FTO: variants seen among roughly 807,000 people sequenced by gnomAD.
FTO encodes alpha-ketoglutarate-dependent dioxygenase FTO.
A neutral mutation model predicts 63.9 loss-of-function variants in FTO; 47 were observed. The ratio of observed to expected loss-of-function variants is 0.74; its 90% CI spans 0.58 to 0.94. The LOEUF is 0.94. Among genes scored for constraint, FTO ranks in the 40% least tolerant of loss-of-function variants. FTO has a pLI of 0.00. For synonymous variants in FTO, 207 were observed against 224.4 expected, an observed-to-expected ratio of 0.92 and a Z score of 0.69; for missense variants, 562 against 618.1, an observed-to-expected ratio of 0.91 and a Z score of 0.96.
chr16:53,799,383 A>G (rs76605169), intron 1 of FTO, among the ~76,000 whole-genome samples: 4,920 of 152,232 alleles, frequency 0.032, 90 homozygotes, highest in South Asian at 0.08. Flanking sequence ...TATGTCTACT[A>G]AAAAGGGGCT....
chr16:54,070,428 G>A (rs1300786596), intron 8 of FTO: 1 of 152,110 alleles, frequency 6.6e-6, no homozygotes, highest in Non-Finnish European at 1.5e-5. Context: ...TCACGATTCT[G>A]AACATATGAT....
intron 1 of FTO, 35 bp from the exon 2 acceptor site, chr16:53,810,105 A>G (rs1253255294): frequency 1.4e-6 from 2 of 1,410,922 alleles, no homozygotes; most frequent in East Asian, 2.3e-5. Context: ...GGGTTATTGC[A>G]TATTCACTTA....
intron 8 of FTO, among the ~76,000 whole-genome samples, chr16:54,068,067 A>G (rs774083536): frequency 1.3e-5 from 2 of 151,726 alleles, no homozygotes; most frequent in Non-Finnish European, 2.9e-5. Flanking sequence ...GTCTTTTTCA[A>G]TACCTGCCTG....
chr16:53,771,054 C>T (rs988077783), intron 1 of FTO, among the ~76,000 whole-genome samples: 14 of 152,098 alleles, frequency 9.2e-5, no homozygotes, highest in African/African-American at 3.4e-4. Flanking sequence ...AAAGGGACTT[C>T]GCTATAGGTT....
At chr16:53,929,252 A>G (rs775241321) in intron 7 of FTO, among the ~76,000 whole-genome samples, 3 of 152,194 alleles carry the variant, frequency 2.0e-5, no homozygotes, top group Non-Finnish European at 2.9e-5. Flanking sequence ...CCGAATCCCT[A>G]GCAACCAATG....
chr16:54,089,086 C>G (rs1235675050), intron 8 of FTO, among the ~76,000 whole-genome samples: 1 of 152,168 alleles, frequency 6.6e-6, no homozygotes, highest in African/African-American at 2.4e-5. Context: ...ATCTCAGGTA[C>G]TGTCATTCCT....
At chr16:53,871,777 A>T (rs1235626014) in intron 4 of FTO, among the ~76,000 whole-genome samples, 1 of 151,586 alleles carries the variant, frequency 6.6e-6, no homozygotes, top group Admixed American at 6.6e-5. Context: ...CCCAGGCTGC[A>T]GTGCAATGGC....
chr16:53,964,915 G>A (rs535684695), intron 8 of FTO, among the ~76,000 whole-genome samples: 2 of 152,228 alleles, frequency 1.3e-5, no homozygotes, highest in Admixed American at 6.5e-5. Flanking sequence ...CTAAATCGTG[G>A]TAAACACAAA....
chr16:54,084,544 C>T (rs960771570), intron 8 of FTO, among the ~76,000 whole-genome samples: 2 of 152,152 alleles, frequency 1.3e-5, no homozygotes, highest in African/African-American at 4.8e-5. Flanking sequence ...TTCTTTGTCT[C>T]TCTGCGTTAG....
At chr16:53,709,382 T>C (rs2075711327) in intron 1 of FTO, among the ~76,000 whole-genome samples, 1 of 152,224 alleles carries the variant, frequency 6.6e-6, no homozygotes, top group Admixed American at 6.5e-5. Context: ...ATTTGATGGT[T>C]TGAGTTAGAA....
At chr16:53,922,987 C>T (rs767105371) in intron 7 of FTO, 2 of 152,130 alleles carry the variant, frequency 1.3e-5, no homozygotes, top group South Asian at 2.1e-4. Context: ...GTTTCCTGCT[C>T]CCGTCTGTGA....
intron 3 of FTO, among the ~76,000 whole-genome samples, chr16:53,842,491 A>C (rs900187949): frequency 1.3e-5 from 2 of 152,028 alleles, no homozygotes; most frequent in African/African-American, 4.8e-5. Flanking sequence ...TATACCTTCT[A>C]CCTTTTTTAG....
At chr16:53,739,092 G>C (rs1379628792) in intron 1 of FTO, among the ~76,000 whole-genome samples, 1 of 152,166 alleles carries the variant, frequency 6.6e-6, no homozygotes, top group Admixed American at 6.5e-5. Flanking sequence ...TGCCCAAACT[G>C]CTGGGATTAC....
At chr16:54,004,873 A>G (rs1162404426) in intron 8 of FTO, among the ~76,000 whole-genome samples, 1 of 152,038 alleles carries the variant, frequency 6.6e-6, no homozygotes, top group African/African-American at 2.4e-5. Flanking sequence ...GATCAAGACC[A>G]TCCTGGCTAG....
chr16:54,001,841 A>T (rs1439445096), intron 8 of FTO, among the ~76,000 whole-genome samples: 1 of 152,206 alleles, frequency 6.6e-6, no homozygotes, highest in Non-Finnish European at 1.5e-5. Flanking sequence ...CATGCATCCC[A>T]GCATCCCTTG....
At chr16:53,760,801 A>G (rs935945821) in intron 1 of FTO, among the ~76,000 whole-genome samples, 1 of 150,764 alleles carries the variant, frequency 6.6e-6, no homozygotes, top group Non-Finnish European at 1.5e-5. Flanking sequence ...TAGTTTTTGT[A>G]TTTTTAGTAG....
chr16:53,805,993 C>T lies in FTO; in HGVS notation c.46-4147C>T, dbSNP rs372480358. 5.3e-5 allele frequency among the ~76,000 whole-genome samples: 8 copies of T among 152,296 alleles called. No homozygotes were observed. In the East Asian group the frequency reaches 1.2e-3, roughly 22 times the overall value. On this transcript the variant is annotated intron_variant, in intron 1 of 8. Coordinates refer to ENST00000471389, the MANE Select transcript of FTO (RefSeq NM_001080432.3). ...GCAGGGCCCAGCTGTGTGGATTTAT[C>T]TGTACATCAGGCTGAGGAGCAGCAG...
intron 7 of FTO, among the ~76,000 whole-genome samples, chr16:53,923,565 G>T (rs948717803): frequency 6.6e-6 from 1 of 152,222 alleles, no homozygotes; most frequent in Non-Finnish European, 1.5e-5. Flanking sequence ...CAGTGGGGTT[G>T]CAGGCGTAAA....
At chr16:54,065,799 C>T (rs1383686824) in intron 8 of FTO, among the ~76,000 whole-genome samples, 3 of 152,216 alleles carry the variant, frequency 2.0e-5, no homozygotes, top group African/African-American at 7.2e-5. Flanking sequence ...GATCATGGCA[C>T]TGTGCCCATC....
Sources: gnomAD v4.1 joint callset for allele counts (sites outside exome capture counted in the v4.1 genomes callset) on GRCh38, gnomAD v4.1.1 for gene constraint, MANE v1.5 for transcripts, NCBI Gene and HGNC (gene_info 2026-07-23, HGNC 2026-07-21) for gene names.